NRXN2: variants seen among roughly 807,000 people sequenced by gnomAD.
The protein encoded by NRXN2 is neurexin 2, also known as neurexin-2-beta.
In NRXN2, 29 loss-of-function variants were observed where a neutral mutation model predicts 128.8. The ratio of observed to expected loss-of-function variants is 0.23; its 90% CI spans 0.17 to 0.31. The LOEUF (loss-of-function observed/expected upper bound fraction) is 0.31. Ranked by LOEUF, NRXN2 falls within the 10% of genes least tolerant of loss-of-function variation. The probability of loss-of-function intolerance (pLI) is 1.00; values close to 1 mark genes in which losing one functional copy is unlikely to be tolerated. For missense variants in NRXN2, 1,881 were observed against 2,452.6 expected, an observed-to-expected ratio of 0.77 and a Z score of 4.92; for synonymous variants, 1,098 against 1,075.2, an observed-to-expected ratio of 1.02 and a Z score of -0.41.
At chr11:64,702,041 G>A (rs1218871550) in intron 2 of NRXN2, among the ~76,000 whole-genome samples, 10 of 149,434 alleles carry the variant, frequency 6.7e-5, no homozygotes, top group South Asian at 2.1e-4. Flanking sequence ...CGCCCCGTCC[G>A]GGAGGTGAGG....
intron 2 of NRXN2, among the ~76,000 whole-genome samples, chr11:64,708,449 G>A (rs372920271): frequency 6.6e-6 from 1 of 152,276 alleles, no homozygotes; most frequent in Non-Finnish European, 1.5e-5. Flanking sequence ...AGGAAGCACT[G>A]TCATGCAAAC....
chr11:64,694,060 A>G (rs902931051), intron 3 of NRXN2, among the ~76,000 whole-genome samples: 2 of 152,060 alleles, frequency 1.3e-5, no homozygotes, highest in Non-Finnish European at 2.9e-5. Context: ...CTGGATCAGT[A>G]CCCTTGTCCC....
intron 7 of NRXN2, among the ~76,000 whole-genome samples, chr11:64,669,612 G>A (rs1392210129): frequency 6.6e-6 from 1 of 152,110 alleles, no homozygotes; most frequent in Non-Finnish European, 1.5e-5. Flanking sequence ...TAGATGGGGC[G>A]GGGCATGACA....
intron 22 of NRXN2, among the ~76,000 whole-genome samples, chr11:64,612,149 T>C (rs561203965): frequency 3.9e-5 from 6 of 152,014 alleles, no homozygotes; most frequent in Non-Finnish European, 8.8e-5. Flanking sequence ...CACACACCAG[T>C]TCAGGAAGGA....
chr11:64,642,123 T>G (rs2045767203), intron 17 of NRXN2, among the ~76,000 whole-genome samples: 1 of 146,956 alleles, frequency 6.8e-6, no homozygotes, highest in African/African-American at 2.5e-5. Context: ...GAGGCAGAGG[T>G]GGAGGCAAGA....
At position 64,630,218 on chromosome 11, in the gene NRXN2, C is replaced by T. The variant is rs1322655502; in HGVS notation, c.3757+184G>A. On this transcript the variant is annotated intron_variant, in intron 19 of 22. Coordinates refer to ENST00000265459, the MANE Select transcript of NRXN2 (RefSeq NM_015080.4). This position sits in a 1 kb window ranked among gnomAD's most constrained non-coding sequence, Gnocchi z 4.6. ...CTCGCCCCGCCGCCACAAATCCCGA[C>T]TTTTCCTAGCCACGCCCCTGCCCTA... Among the ~76,000 whole-genome samples the T allele has an allele frequency of 6.6e-6, 1 of 152,104 alleles. No homozygotes were observed. Among genetic ancestry groups the T allele is most frequent in the Non-Finnish European group, 1.5e-5 (1 of 67,994 alleles).
At chr11:64,662,503 C>T (rs1409381959) in intron 9 of NRXN2, among the ~76,000 whole-genome samples, 2 of 152,116 alleles carry the variant, frequency 1.3e-5, no homozygotes, top group Non-Finnish European at 1.5e-5. Flanking sequence ...GGGTCGGGGC[C>T]GGGCACAGTG....
intron 2 of NRXN2, among the ~76,000 whole-genome samples, chr11:64,701,165 C>T (rs2055299294): frequency 6.6e-6 from 1 of 152,270 alleles, no homozygotes; most frequent in South Asian, 2.1e-4. Context: ...ATTCATACAC[C>T]GCAGCACAAC....
At chr11:64,696,377 G>A (rs1313499716) in intron 3 of NRXN2, among the ~76,000 whole-genome samples, 2 of 152,052 alleles carry the variant, frequency 1.3e-5, no homozygotes, top group Admixed American at 6.5e-5. Flanking sequence ...CATATGCATC[G>A]ATGGAGGCGC....
At chr11:64,707,526 T>G (rs2056465870) in intron 2 of NRXN2, among the ~76,000 whole-genome samples, 2 of 152,238 alleles carry the variant, frequency 1.3e-5, no homozygotes, top group African/African-American at 4.8e-5. Flanking sequence ...ACTGCTTTAC[T>G]GCATCTCTGG....
At chr11:64,680,222 C>T (rs1444796803) in intron 6 of NRXN2, among the ~76,000 whole-genome samples, 4 of 152,136 alleles carry the variant, frequency 2.6e-5, no homozygotes, top group Non-Finnish European at 5.9e-5. Flanking sequence ...AGTGTAGCTC[C>T]AGCCCTGCTC....
Position 64,635,349 on chromosome 11 carries a change from G to A in NRXN2, c.3507C>T (p.Phe1169=). ...STRMDRLAVG[F]STHQRSAVLV... ...GCACAGCGCTCCGCTGGTGGGTGCT[G>A]AAGCCCACGGCCAGGCGATCCATCC... The change falls in exon 18 of 23, where the codon TTC becomes TTT. Residue 1169 remains phenylalanine, a synonymous_variant. Coordinates refer to ENST00000265459, the MANE Select transcript of NRXN2 (RefSeq NM_015080.4). The surrounding 1 kb of genome is among the most constrained non-coding windows in gnomAD (Gnocchi z 4.8). 6.2e-7 allele frequency: 1 copy of A among 1,613,656 alleles called. No individual in the cohort carries two copies. The highest frequency in any genetic ancestry group is 8.5e-7 in the Non-Finnish European group (1 of 1,180,028).
intron 22 of NRXN2, among the ~76,000 whole-genome samples, chr11:64,619,027 C>T (rs558391335): frequency 1.3e-5 from 2 of 152,292 alleles, no homozygotes; most frequent in South Asian, 4.1e-4. Context: ...CTTCCAAGGT[C>T]GTGGCCCACC....
chr11:64,648,671 C>T lies in NRXN2; in HGVS notation c.3283+63G>A. ...AGCAAAGGCTACCTGCCCCGGTCTGCCTCTGCAGCTGGCCATCCTGTAGCC... is the reference window on the plus strand; with the variant it reads ...AGCAAAGGCTACCTGCCCCGGTCTGTCTCTGCAGCTGGCCATCCTGTAGCC... On this transcript the variant is annotated intron_variant, in intron 16 of 22. Coordinates refer to ENST00000265459, the MANE Select transcript of NRXN2 (RefSeq NM_015080.4). The surrounding 1 kb of genome is among the most constrained non-coding windows in gnomAD (Gnocchi z 4.1). 6.2e-7 allele frequency: 1 copy of T among 1,602,036 alleles called. No individual in the cohort carries two copies. The highest frequency in any genetic ancestry group is 1.1e-5 in the South Asian group (1 of 90,780).
chr11:64,668,524 G>A lies in NRXN2; in HGVS notation c.1278C>T (p.Phe426=). The change falls in exon 8 of 23, where the codon TTC becomes TTT. Residue 426 remains phenylalanine, a synonymous_variant. Transcript: ENST00000265459. ...EDYTMLGSDD[F]FYIGGSPNTA... is the part of the protein sequence containing the mutation. ...TGTTGGGGCTGCCCCCAATGTAGAA[G>A]AAGTCATCAGAGCCCAGCATGGTGT... The A allele has an allele frequency of 6.2e-7, 1 of 1,614,128 alleles. No homozygotes were observed. The highest frequency in any genetic ancestry group is 8.5e-7 in the Non-Finnish European group (1 of 1,180,026).
rs1369224863 is a variant in NRXN2, at chr11:64,667,119, TGGA to T, written c.1798+128_1798+130del. 3 of 904,938 alleles carry T rather than the reference TGGA, an allele frequency of 3.3e-6. No homozygotes were observed. The highest frequency in any genetic ancestry group is 5.2e-6 in the Non-Finnish European group (3 of 573,160). 56.1% of individuals were successfully genotyped at this position (904,938 alleles called of 1,614,324 possible). On this transcript the variant is annotated intron_variant, in intron 9 of 22. Coordinates refer to ENST00000265459, the MANE Select transcript of NRXN2 (RefSeq NM_015080.4). This position sits in a 1 kb window ranked among gnomAD's most constrained non-coding sequence, Gnocchi z 5.6. ...GACAATTGGGAAGACGTGAGGGGGG[TGGA>T]GGAGAAGCGGCAGGGAAGAATATAG...
chr11:64,711,687 C>T (rs1312787192), intron 2 of NRXN2, among the ~76,000 whole-genome samples: 1 of 152,138 alleles, frequency 6.6e-6, no homozygotes, highest in African/African-American at 2.4e-5. Flanking sequence ...CTCGCCCTGT[C>T]CAGCCCAGCA....
chr11:64,643,973 C>T (rs1163263234), intron 17 of NRXN2, among the ~76,000 whole-genome samples: 1 of 151,442 alleles, frequency 6.6e-6, no homozygotes, highest in Non-Finnish European at 1.5e-5. Context: ...CACGTGCACA[C>T]TGAGATGTGT....
rs1195341130 is a variant in NRXN2 at position 64,630,498 on chromosome 11, T to A, written c.3661A>T (p.Ser1221Cys). The change falls in exon 19 of 23, where the codon AGC (serine) becomes TGC (cysteine). Residue 1221 changes from serine (S) to cysteine (C), a missense_variant. Ser to Cys is a moderately radical substitution (Grantham distance 112). Coordinates refer to ENST00000265459, the MANE Select transcript of NRXN2 (RefSeq NM_015080.4). This position sits in a 1 kb window ranked among gnomAD's most constrained non-coding sequence, Gnocchi z 4.6. ...CGCACCACGTGGTATTTGCCGTCGC[T>A]TACTATGGCGTTGGGCTCGTCGATG... ...ITIDEPNAIV[S>C]DGKYHVVRFT... 1.2e-6 allele frequency: 2 copies of A among 1,614,020 alleles called. No individual in the cohort carries two copies.
Sources: allele counts gnomAD v4.1 joint callset (sites outside exome capture counted in the v4.1 genomes callset), GRCh38; gene constraint gnomAD v4.1.1; non-coding constraint Gnocchi (gnomAD v3.1); transcripts MANE v1.5; gene names NCBI Gene and HGNC (gene_info 2026-07-23, HGNC 2026-07-21).